RUFY2: variants seen among roughly 807,000 people sequenced by gnomAD.
The protein encoded by RUFY2 is RUN and FYVE domain-containing protein 2.
Under a neutral mutation model 94.4 loss-of-function variants are expected in RUFY2, and 49 were observed. The ratio of observed to expected loss-of-function variants is 0.52; its 90% CI spans 0.41 to 0.66. The LOEUF (loss-of-function observed/expected upper bound fraction) is 0.66. Among genes scored for constraint, RUFY2 ranks in the 30% least tolerant of loss-of-function variants. The pLI, the probability that RUFY2 is intolerant of heterozygous loss-of-function variation, is 0.00. For synonymous variants in RUFY2, 255 were observed against 235.7 expected (o/e 1.08, Z -0.75); for missense variants, 541 against 692.8 (o/e 0.78, Z 2.46).
intron 13 of RUFY2, among the ~76,000 whole-genome samples, chr10:68,367,671 TTCTC>T (rs762047445): frequency 1.3e-5 from 2 of 150,514 alleles, no homozygotes; most frequent in African/African-American, 5.0e-5. Flanking sequence ...TTTTCTTTCT[TTCTC>T]TCTCTCCCTC....
chr10:68,406,832 C>T, intron 1 of RUFY2: 2 of 1,612,634 alleles, frequency 1.2e-6, no homozygotes, highest in Non-Finnish European at 1.7e-6. Context: ...GATGCGTCTT[C>T]CCTCCGCCAC....
At chr10:68,371,104 C>A (rs1339739870) in intron 13 of RUFY2, among the ~76,000 whole-genome samples, 2 of 146,490 alleles carry the variant, frequency 1.4e-5, no homozygotes, top group Non-Finnish European at 3.0e-5. Flanking sequence ...TGCACTCCAG[C>A]CTGGGTGACA....
intron 4 of RUFY2, among the ~76,000 whole-genome samples, chr10:68,395,976 CT>C (rs1312920919): frequency 6.6e-6 from 1 of 152,140 alleles, no homozygotes; most frequent in Non-Finnish European, 1.5e-5. Context: ...GAAAATCTGT[CT>C]TAAATAAATG....
rs764548078 is a variant in RUFY2 at position 68,364,154 on chromosome 10, T to C, written c.1326-41A>G. ...ACACACAGAAGCTCAGTGCTATTTC[T>C]CACACGACAGTTGTTATGTATTCTT... is the stretch of plus-strand genomic sequence containing the variant. On this transcript the variant is annotated intron_variant, in intron 13 of 17. Coordinates refer to ENST00000602465, the MANE Select transcript of RUFY2 (RefSeq NM_001330103.2). 8.2e-6 allele frequency: 13 copies of C among 1,583,906 alleles called. No individual in the cohort carries two copies. In the African/African-American group the frequency reaches 1.6e-4, roughly 20 times the overall value.
downstream of RUFY2, chr10:68,341,121 ATTTAC>A (rs2045905816): frequency 2.3e-6 from 3 of 1,310,400 alleles, no homozygotes; most frequent in Admixed American, 2.5e-5. Flanking sequence ...GTATGTGGTA[ATTTAC>A]TTTAATATTC....
At chr10:68,403,737 T>C (rs2051043846) in intron 2 of RUFY2, among the ~76,000 whole-genome samples, 1 of 152,162 alleles carries the variant, frequency 6.6e-6, no homozygotes, top group South Asian at 2.1e-4. Flanking sequence ...TGTCAAGGCT[T>C]CCTTCTTGTT....
At chr10:68,376,119 AGTTG>A (rs2048618271) in intron 13 of RUFY2, among the ~76,000 whole-genome samples, 1 of 147,688 alleles carries the variant, frequency 6.8e-6, no homozygotes, top group Non-Finnish European at 1.5e-5. Context: ...AAAAAAAAAA[AGTTG>A]ATTTAAAAAA....
chr10:68,376,058 G>A (rs922249295), intron 13 of RUFY2, among the ~76,000 whole-genome samples: 1 of 141,910 alleles, frequency 7.0e-6, no homozygotes, highest in East Asian at 2.2e-4. Flanking sequence ...CACCAAGGTC[G>A]TGCCATTGCA....
In RUFY2 at chr10:68,345,622, T is replaced by C. The variant is rs2134875182; in HGVS notation, c.*146A>G. 1 of 623,290 alleles carries C rather than the reference T, an allele frequency of 1.6e-6. No homozygotes were observed. Among genetic ancestry groups the C allele is most frequent in the East Asian group, 2.9e-5 (1 of 34,912 alleles). 38.6% of individuals were successfully genotyped at this position (623,290 alleles called of 1,614,324 possible). On this transcript the variant is annotated 3_prime_UTR_variant, in exon 18 of 18. Transcript: ENST00000602465. ...GGGGAAGGAAATATATAACTTGTAA[T>C]TTCCATGAGCTGAATATGTAGAAGA... is the stretch of plus-strand genomic sequence containing the variant.
intron 16 of RUFY2, among the ~76,000 whole-genome samples, chr10:68,349,886 G>A (rs972794472): frequency 4.6e-5 from 7 of 151,850 alleles, no homozygotes; most frequent in East Asian, 1.9e-4. Flanking sequence ...ATAACAGGAC[G>A]CTATTTTTAA....
intron 15 of RUFY2, among the ~76,000 whole-genome samples, chr10:68,358,536 GCCA>G (rs963282830): frequency 1.3e-5 from 2 of 152,196 alleles, no homozygotes; most frequent in Admixed American, 6.5e-5. Context: ...GGGAATAGTG[GCCA>G]CAACAGTGAT....
intron 15 of RUFY2, among the ~76,000 whole-genome samples, chr10:68,357,639 G>A (rs1246312866): frequency 1.3e-5 from 2 of 152,012 alleles, no homozygotes; most frequent in Non-Finnish European, 2.9e-5. Flanking sequence ...ATTACCCAGA[G>A]GTAATCTTCT....
At chr10:68,395,345 TAA>T (rs1038883182) in intron 4 of RUFY2, among the ~76,000 whole-genome samples, 4 of 126,512 alleles carry the variant, frequency 3.2e-5, no homozygotes, top group Non-Finnish European at 5.2e-5. Context: ...CTCAAGAAAA[TAA>T]AAAAAAAAAA....
rs1340436323 is a variant in RUFY2 at position 68,377,045 on chromosome 10, T to C, written c.1206-73A>G. 5 of 1,559,898 alleles carry C rather than the reference T, an allele frequency of 3.2e-6. No individual in the cohort carries two copies. The Admixed American group carries it at 6.4e-5, about 20-fold the overall frequency. On this transcript the variant is annotated intron_variant, in intron 12 of 17. Coordinates refer to ENST00000602465, the MANE Select transcript of RUFY2 (RefSeq NM_001330103.2). ...GGTGTAAAAGGGTGAAGAAGACAAATAAAAGAAAAATGGGGAAATAGAAAC... is the reference window on the plus strand; with the variant it reads ...GGTGTAAAAGGGTGAAGAAGACAAACAAAAGAAAAATGGGGAAATAGAAAC...
Position 68,394,151 on chromosome 10 carries a change from G to T in RUFY2, c.523-15C>A. The T allele has an allele frequency of 6.7e-7, 1 of 1,482,682 alleles. No individual in the cohort carries two copies. Among genetic ancestry groups the T allele is most frequent in the Non-Finnish European group, 9.0e-7 (1 of 1,108,692 alleles). 91.8% of individuals were successfully genotyped at this position (1,482,682 alleles called of 1,614,324 possible). A position where few individuals can be genotyped will look rare whatever the true frequency, so the allele number is the denominator to read the frequency against. Reference sequence around the variant, plus strand: ...ATCACTCCAACCTGAAGTAAATAAAGTTTTTTTTAATTTAAAGGGGAGAAA... The same window carrying T: ...ATCACTCCAACCTGAAGTAAATAAATTTTTTTTTAATTTAAAGGGGAGAAA... On this transcript the variant is annotated splice_polypyrimidine_tract_variant and intron_variant, in intron 5 of 17. Coordinates refer to ENST00000602465, the MANE Select transcript of RUFY2 (RefSeq NM_001330103.2).
Position 68,343,750 on chromosome 10 carries a change from G to A in RUFY2, c.*2018C>T, listed in dbSNP as rs530321126. Reference sequence around the variant, plus strand: ...CTTGTAACAGAAAAATCCAAAGTTAGTATAGTTTTTAAATAAGCCAAAACT... The same window carrying A: ...CTTGTAACAGAAAAATCCAAAGTTAATATAGTTTTTAAATAAGCCAAAACT... On this transcript the variant is annotated 3_prime_UTR_variant, in exon 18 of 18. Transcript: ENST00000602465. 2.9e-5 allele frequency: 4 copies of A among 136,930 alleles called. No homozygotes were observed. The Admixed American group carries it at 3.1e-4, about 11-fold the overall frequency. The allele number at this position is 136,930 out of a possible 1,614,324, so 8.5% of individuals were successfully genotyped here. A position where few individuals can be genotyped will look rare whatever the true frequency, so the allele number is the denominator to read the frequency against.
In RUFY2 at chr10:68,402,197, G is replaced by A. The variant is rs532902291; in HGVS notation, c.179-460C>T. Among the ~76,000 whole-genome samples the A allele has an allele frequency of 2.8e-3, 422 of 151,608 alleles. 13 individuals carry two copies. Among genetic ancestry groups the A allele is most frequent in the Middle Eastern group, 0.01 (3 of 294 alleles). On this transcript the variant is annotated intron_variant, in intron 2 of 17. Coordinates refer to ENST00000602465, the MANE Select transcript of RUFY2 (RefSeq NM_001330103.2). ...TGGTCTTGAATTCCTGGCCTCAAGC[G>A]TTCCTCCTATCTTGGCCTCCCAAAG...
chr10:68,348,086 C>T (rs905418753), intron 16 of RUFY2, among the ~76,000 whole-genome samples: 1 of 151,526 alleles, frequency 6.6e-6, no homozygotes, highest in African/African-American at 2.4e-5. Context: ...GGAAGCCTAA[C>T]TCTCCTTAGA....
chr10:68,347,520 G>C (rs956567699), intron 16 of RUFY2, among the ~76,000 whole-genome samples: 1 of 152,002 alleles, frequency 6.6e-6, no homozygotes, highest in African/African-American at 2.4e-5. Context: ...CTGACCTCAG[G>C]TGATCCGCCC....
Sources: allele counts gnomAD v4.1 joint callset (sites outside exome capture counted in the v4.1 genomes callset), GRCh38; gene constraint gnomAD v4.1.1; transcripts MANE v1.5; gene names NCBI Gene and HGNC (gene_info 2026-07-23, HGNC 2026-07-21).